The following NEGR1 variants were observed in gnomAD, a reference collection of about 807,000 sequenced individuals.
The protein encoded by NEGR1 is neuronal growth regulator 1.
Under a neutral mutation model 40.9 loss-of-function variants are expected in NEGR1, and 10 were observed. The observed-to-expected ratio is 0.24, with a 90% CI of 0.15 to 0.42. The LOEUF is 0.42. Among genes scored for constraint, NEGR1 ranks in the 10% least tolerant of loss-of-function variants. NEGR1 has a pLI of 1.00. For missense variants in NEGR1, 352 were observed against 438.9 expected (o/e 0.80, Z 1.77); for synonymous variants, 185 against 166.8 (o/e 1.11, Z -0.84).
chr1:71,470,738 C>T (rs1028311122), intron 6 of NEGR1, among the ~76,000 whole-genome samples: 4 of 152,190 alleles, frequency 2.6e-5, no homozygotes, highest in East Asian at 3.9e-4. Context: ...CAATGTGTAA[C>T]AAAAGGTGCA....
intron 1 of NEGR1, among the ~76,000 whole-genome samples, chr1:71,962,817 GA>G (rs1279925667): frequency 2.1e-5 from 3 of 142,326 alleles, no homozygotes; most frequent in Non-Finnish European, 4.6e-5. Context: ...CATCTCAACT[GA>G]AAAAAAAAGA....
rs935016252 is a variant in NEGR1, at chr1:71,729,228, C to T, written c.536-31089G>A. On this transcript the variant is annotated intron_variant, in intron 3 of 6. Coordinates refer to ENST00000357731, the MANE Select transcript of NEGR1 (RefSeq NM_173808.3). Reference sequence around the variant, plus strand: ...CAGTTGTGTGCAAAATTTCTCTCTGCCTTTACAGCTTTGTTCCAATAACAC... The same window carrying T: ...CAGTTGTGTGCAAAATTTCTCTCTGTCTTTACAGCTTTGTTCCAATAACAC... Among the ~76,000 whole-genome samples, 6 of 152,016 alleles carry T rather than the reference C, an allele frequency of 3.9e-5. No individual in the cohort carries two copies. In the South Asian group the frequency reaches 1.2e-3, roughly 32 times the overall value.
At chr1:72,193,067 T>C (rs1011734469) in intron 1 of NEGR1, among the ~76,000 whole-genome samples, 2 of 151,756 alleles carry the variant, frequency 1.3e-5, no homozygotes, top group African/African-American at 4.8e-5. Context: ...ATTTGGGTTT[T>C]AAGTATATAA....
At chr1:72,081,899 C>T (rs1475984524) in intron 1 of NEGR1, among the ~76,000 whole-genome samples, 1 of 152,022 alleles carries the variant, frequency 6.6e-6, no homozygotes, top group Non-Finnish European at 1.5e-5. Context: ...CTAGATGTCT[C>T]TGAAACTTTA....
chr1:72,007,254 TTCTA>T (rs1448187480), intron 1 of NEGR1, among the ~76,000 whole-genome samples: 1 of 152,150 alleles, frequency 6.6e-6, no homozygotes, highest in Admixed American at 6.6e-5. Context: ...TTTAATTTTC[TTCTA>T]TCTTTCTCCT....
chr1:71,906,234 G>C (rs528456063), intron 2 of NEGR1, among the ~76,000 whole-genome samples: 1 of 151,946 alleles, frequency 6.6e-6, no homozygotes, highest in African/African-American at 2.4e-5. Flanking sequence ...GGGACTTGGT[G>C]GGGAGAAGGG....
At chr1:71,949,025 A>G (rs1300243710) in intron 1 of NEGR1, among the ~76,000 whole-genome samples, 1 of 152,084 alleles carries the variant, frequency 6.6e-6, no homozygotes, top group Non-Finnish European at 1.5e-5. Flanking sequence ...TGGGGGAAAT[A>G]CTGATATGGC....
chr1:71,557,901 T>C (rs1486952542), intron 6 of NEGR1, among the ~76,000 whole-genome samples: 1 of 151,582 alleles, frequency 6.6e-6, no homozygotes, highest in Non-Finnish European at 1.5e-5. Flanking sequence ...CTCTTGTCTG[T>C]AATGTTTCTT....
At chr1:72,110,856 A>G (rs925659250) in intron 1 of NEGR1, among the ~76,000 whole-genome samples, 1 of 151,646 alleles carries the variant, frequency 6.6e-6, no homozygotes, top group Non-Finnish European at 1.5e-5. Context: ...CCGACAATTT[A>G]TTATTTACAA....
At chr1:71,928,527 C>T (rs1645822637) in intron 2 of NEGR1, among the ~76,000 whole-genome samples, 1 of 126,978 alleles carries the variant, frequency 7.9e-6, no homozygotes, top group African/African-American at 3.0e-5. Flanking sequence ...TATATACACA[C>T]ATCTATACAC....
At chr1:71,547,827 C>A (rs777241321) in intron 6 of NEGR1, among the ~76,000 whole-genome samples, 34 of 151,710 alleles carry the variant, frequency 2.2e-4, no homozygotes, top group Non-Finnish European at 3.1e-4. Context: ...ATCGGTGTAT[C>A]TGACCAAAGG....
intron 2 of NEGR1, among the ~76,000 whole-genome samples, chr1:71,930,948 G>T (rs1645849613): frequency 6.6e-6 from 1 of 152,156 alleles, no homozygotes; most frequent in Non-Finnish European, 1.5e-5. Flanking sequence ...AGCAGTCATT[G>T]GGTGTTGGCT....
intron 6 of NEGR1, among the ~76,000 whole-genome samples, chr1:71,559,590 A>T (rs941953663): frequency 1.3e-5 from 2 of 151,600 alleles, no homozygotes; most frequent in Non-Finnish European, 1.5e-5. Context: ...ATACCCTGCG[A>T]CATAGTTCTT....
At chr1:71,469,420 G>T (rs975041616) in intron 6 of NEGR1, among the ~76,000 whole-genome samples, 12 of 151,864 alleles carry the variant, frequency 7.9e-5, no homozygotes, top group African/African-American at 2.9e-4. Flanking sequence ...TTCTAATAAG[G>T]ACTTTACTTC....
intron 1 of NEGR1, among the ~76,000 whole-genome samples, chr1:72,046,274 A>C (rs1647001390): frequency 6.6e-6 from 1 of 151,710 alleles, no homozygotes; most frequent in Admixed American, 6.6e-5. Flanking sequence ...ATAGGATGAA[A>C]TGATAAAAAT....
chr1:71,696,304 A>C (rs1249509132), intron 4 of NEGR1, among the ~76,000 whole-genome samples: 1 of 151,784 alleles, frequency 6.6e-6, no homozygotes. Context: ...AAGAATAAAA[A>C]GTGTTAATCC....
At chr1:71,426,838 C>A (rs1646431780) in intron 6 of NEGR1, among the ~76,000 whole-genome samples, 1 of 152,044 alleles carries the variant, frequency 6.6e-6, no homozygotes, top group African/African-American at 2.4e-5. Flanking sequence ...AAAACATCAC[C>A]TTTTAACTTA....
intron 1 of NEGR1, among the ~76,000 whole-genome samples, chr1:72,025,405 G>A (rs1646798323): frequency 6.6e-6 from 1 of 152,116 alleles, no homozygotes; most frequent in African/African-American, 2.4e-5. Flanking sequence ...GCAATTTTAA[G>A]TACTTCAGTA....
At chr1:71,913,824 A>G (rs1486870402) in intron 2 of NEGR1, among the ~76,000 whole-genome samples, 2 of 150,978 alleles carry the variant, frequency 1.3e-5, no homozygotes, top group Non-Finnish European at 2.9e-5. Flanking sequence ...TGCAAACTCT[A>G]GTAACACAAA....
Sources: allele counts gnomAD v4.1 joint callset (sites outside exome capture counted in the v4.1 genomes callset), GRCh38; gene constraint gnomAD v4.1.1; transcripts MANE v1.5; gene names NCBI Gene and HGNC (gene_info 2026-07-23, HGNC 2026-07-21).